TRAPPC3: variants seen among roughly 807,000 people sequenced by gnomAD.
TRAPPC3 encodes trafficking protein particle complex subunit 3, also known as trafficking protein particle complex 3.
Under a neutral mutation model 18.2 loss-of-function variants are expected in TRAPPC3, and 5 were observed. The observed-to-expected ratio is 0.28, with a 90% confidence interval of 0.14 to 0.58. The LOEUF is 0.58. Among genes scored for constraint, TRAPPC3 ranks in the 20% least tolerant of loss-of-function variants. The pLI is 0.91. For missense variants in TRAPPC3, 176 were observed against 225.9 expected (o/e 0.78, Z 1.41); for synonymous variants, 65 against 84.2 (o/e 0.77, Z 1.25).
Position 36,137,329 on chromosome 1 carries a change from G to T in TRAPPC3, c.424-7C>A. The T allele has an allele frequency of 1.2e-6, 2 of 1,606,956 alleles. No individual in the cohort carries two copies. The highest frequency in any genetic ancestry group is 1.7e-6 in the Non-Finnish European group (2 of 1,174,058). ...CCTCCACAGCCATCTGGACCTGGGG[G>T]ACAGTGGGAAAACGAAGGGGTAGCT... is the stretch of plus-strand genomic sequence containing the variant. On this transcript the variant is annotated splice_polypyrimidine_tract_variant and splice_region_variant and intron_variant, in intron 4 of 4. Transcript: ENST00000373166.
chr1:36,149,907 ACT>A (rs1168403610), upstream of TRAPPC3, among the ~76,000 whole-genome samples: 1 of 152,200 alleles, frequency 6.6e-6, no homozygotes, highest in Non-Finnish European at 1.5e-5. Context: ...ACTAGCAATG[ACT>A]CACACAGAAT....
chr1:36,150,465 TG>T (rs935458852), upstream of TRAPPC3, among the ~76,000 whole-genome samples: 1 of 152,208 alleles, frequency 6.6e-6, no homozygotes, highest in Non-Finnish European at 1.5e-5. Flanking sequence ...GAAGCTGGGC[TG>T]GGGGGTCCCT....
chr1:36,155,915 C>T (rs894866715), exon 1 of TRAPPC3: 2 of 152,830 alleles, frequency 1.3e-5, no homozygotes, highest in African/African-American at 4.8e-5. Flanking sequence ...CGTACCAAGA[C>T]GCGGACGCAG....
At chr1:36,137,689 C>G in intron 4 of TRAPPC3, 107 bp downstream of exon 4, 1 of 1,198,082 alleles carries the variant, frequency 8.3e-7, no homozygotes, top group South Asian at 1.5e-5. Flanking sequence ...GGCAGTAAAG[C>G]GCTGGGGTGA....
intron 1 of TRAPPC3, among the ~76,000 whole-genome samples, chr1:36,142,511 C>T (rs1325263347): frequency 2.0e-5 from 3 of 152,192 alleles, no homozygotes. Context: ...GCACCTTATA[C>T]ATGCAGCTAC....
intron 1 of TRAPPC3, 106 bp from the exon 2 acceptor site, chr1:36,140,272 G>A (rs1644088556): frequency 1.5e-6 from 1 of 670,978 alleles, no homozygotes; most frequent in African/African-American, 1.9e-5. Flanking sequence ...CTCTAACTGT[G>A]TCTGGAGGGA....
At chr1:36,151,321 G>A (rs1644269912), upstream of TRAPPC3, among the ~76,000 whole-genome samples, 1 of 152,114 alleles carries the variant, frequency 6.6e-6, no homozygotes, top group Non-Finnish European at 1.5e-5. Flanking sequence ...CCAGGAGTTT[G>A]AGACCAGCCT....
intron 1 of TRAPPC3, among the ~76,000 whole-genome samples, chr1:36,142,014 T>C (rs1428071286): frequency 6.8e-6 from 1 of 147,738 alleles, no homozygotes; most frequent in Non-Finnish European, 1.5e-5. Context: ...AGCTAATTAT[T>C]GACAAAAGTA....
chr1:36,154,458 T>C (rs189689547), upstream of TRAPPC3, among the ~76,000 whole-genome samples: 2 of 152,292 alleles, frequency 1.3e-5, no homozygotes, highest in African/African-American at 4.8e-5. Context: ...TGAATTCTCC[T>C]GAGTCTGGTC....
chr1:36,148,634 G>A (rs929030124), intron 1 of TRAPPC3, among the ~76,000 whole-genome samples: 1 of 151,924 alleles, frequency 6.6e-6, no homozygotes, highest in Non-Finnish European at 1.5e-5. Context: ...AATGACCTAA[G>A]TCTGCAGCCC....
intron 1 of TRAPPC3, among the ~76,000 whole-genome samples, chr1:36,145,009 A>C (rs1293645278): frequency 1.3e-5 from 2 of 152,096 alleles, no homozygotes; most frequent in Non-Finnish European, 2.9e-5. Context: ...AATCTCCTTA[A>C]GGAGGCTGAT....
chr1:36,138,284 T>C, intron 3 of TRAPPC3: 1 of 1,533,998 alleles, frequency 6.5e-7, no homozygotes, highest in Non-Finnish European at 8.7e-7. Context: ...CTTGTACTTC[T>C]CAGTGGAAGG....
At chr1:36,151,956 C>T (rs555903846), upstream of TRAPPC3, among the ~76,000 whole-genome samples, 4 of 152,256 alleles carry the variant, frequency 2.6e-5, no homozygotes, top group African/African-American at 9.6e-5. Flanking sequence ...GAGCTGAGGC[C>T]CCCCAGGAAG....
intron 3 of TRAPPC3, 129 bp downstream of exon 3, chr1:36,139,591 T>G (rs1644077170): frequency 4.7e-6 from 6 of 1,276,828 alleles, no homozygotes; most frequent in Non-Finnish European, 6.4e-6. Flanking sequence ...GAATGTTTTT[T>G]TGACCCAAAG....
In TRAPPC3 at chr1:36,149,218, C is replaced by A. The variant is rs900354089; in HGVS notation, c.42+119G>T. ...CCCGGAGTGACCCAGCAAGAGGCTT[C>A]CCCTTGCCAGAGCTCACAGGAAGGC... On this transcript the variant is annotated intron_variant, in intron 1 of 4. Transcript: ENST00000373166. 1.0e-4 allele frequency: 159 copies of A among 1,541,210 alleles called. No homozygotes were observed. Among genetic ancestry groups the A allele is most frequent in the Non-Finnish European group, 1.3e-4 (145 of 1,142,014 alleles).
chr1:36,152,295 CTTTTTTTT>C (rs11364641), upstream of TRAPPC3, among the ~76,000 whole-genome samples: 2 of 135,590 alleles, frequency 1.5e-5, 1 homozygote, highest in African/African-American at 5.5e-5. Context: ...ATTTCTTTTT[CTTTTTTTT>C]TTTTTTTTGT....
At chr1:36,137,628 C>G in intron 4 of TRAPPC3, 168 bp downstream of exon 4, 1 of 739,608 alleles carries the variant, frequency 1.4e-6, no homozygotes, top group Non-Finnish European at 2.2e-6. Context: ...AGGAGTATCA[C>G]CATGTAAAGA....
chr1:36,144,597 T>C (rs1319363147), intron 1 of TRAPPC3, among the ~76,000 whole-genome samples: 2 of 152,206 alleles, frequency 1.3e-5, no homozygotes, highest in South Asian at 2.1e-4. Flanking sequence ...AAGGCTGCAG[T>C]GAATTGTGAT....
intron 1 of TRAPPC3, among the ~76,000 whole-genome samples, chr1:36,146,294 GTCTC>G (rs1389046793): frequency 1.5e-4 from 18 of 121,344 alleles, no homozygotes; most frequent in Non-Finnish European, 1.9e-4. Context: ...GGCCAGGATG[GTCTC>G]TCTTTTTTTT....
Sources: gnomAD v4.1 joint callset for allele counts (sites outside exome capture counted in the v4.1 genomes callset) on GRCh38, gnomAD v4.1.1 for gene constraint, MANE v1.5 for transcripts, NCBI Gene and HGNC (gene_info 2026-07-23, HGNC 2026-07-21) for gene names.